PPP1R9A: variants seen among roughly 807,000 people sequenced by gnomAD.
PPP1R9A encodes neurabin-1.
Under a neutral mutation model 141.9 loss-of-function variants are expected in PPP1R9A, and 59 were observed. The ratio of observed to expected loss-of-function variants is 0.42; its 90% CI spans 0.34 to 0.52. The LOEUF (loss-of-function observed/expected upper bound fraction) is 0.52. Among genes scored for constraint, PPP1R9A ranks in the 20% least tolerant of loss-of-function variants. The probability of loss-of-function intolerance (pLI) is 0.10; values close to 1 mark genes in which losing one functional copy is unlikely to be tolerated. For missense variants in PPP1R9A, 1,444 were observed against 1,611.9 expected (o/e 0.90, Z 1.78); for synonymous variants, 500 against 569.7 (o/e 0.88, Z 1.74).
intron 4 of PPP1R9A, among the ~76,000 whole-genome samples, chr7:95,151,400 G>C (rs1166577642): frequency 6.6e-6 from 1 of 152,188 alleles, no homozygotes. Flanking sequence ...CCTATTATCT[G>C]ACTTTCTTGC....
At chr7:94,941,489 A>C (rs1795325730) in intron 2 of PPP1R9A, among the ~76,000 whole-genome samples, 1 of 152,098 alleles carries the variant, frequency 6.6e-6, no homozygotes, top group Admixed American at 6.6e-5. Context: ...GAACCTCTTC[A>C]TTGTACTCTT....
At chr7:95,216,899 A>C (rs139571324) in intron 7 of PPP1R9A, among the ~76,000 whole-genome samples, 2,162 of 152,166 alleles carry the variant, frequency 0.014, 34 homozygotes, top group African/African-American at 0.049. Context: ...AATATACAAT[A>C]ATGTCATCTG....
intron 2 of PPP1R9A, among the ~76,000 whole-genome samples, chr7:95,033,203 A>G (rs1454091768): frequency 1.6e-5 from 2 of 127,926 alleles, no homozygotes; most frequent in East Asian, 2.2e-4. Flanking sequence ...TTTAGTAGAG[A>G]CGGGTTTTCA....
intron 2 of PPP1R9A, among the ~76,000 whole-genome samples, chr7:94,942,759 G>A (rs563695282): frequency 2.0e-5 from 3 of 151,560 alleles, no homozygotes; most frequent in Admixed American, 6.6e-5. Flanking sequence ...AGCCAAGATC[G>A]CACCACTGCA....
At chr7:95,215,010 T>G (rs1792997797) in intron 7 of PPP1R9A, among the ~76,000 whole-genome samples, 2 of 151,970 alleles carry the variant, frequency 1.3e-5, no homozygotes, top group South Asian at 2.1e-4. Flanking sequence ...CTAGGGTACA[T>G]GTGCACAATG....
chr7:95,022,682 G>A (rs979827841), intron 2 of PPP1R9A, among the ~76,000 whole-genome samples: 1 of 152,080 alleles, frequency 6.6e-6, no homozygotes, highest in Non-Finnish European at 1.5e-5. Context: ...AGAGTTTTTA[G>A]CATGAAGGGG....
intron 7 of PPP1R9A, among the ~76,000 whole-genome samples, chr7:95,225,232 C>T (rs1342576510): frequency 6.6e-6 from 1 of 152,110 alleles, no homozygotes; most frequent in Non-Finnish European, 1.5e-5. Context: ...GGGGCAACCA[C>T]TACTAACTGG....
intron 2 of PPP1R9A, among the ~76,000 whole-genome samples, chr7:95,104,895 G>T (rs1480057732): frequency 6.6e-6 from 1 of 152,186 alleles, no homozygotes; most frequent in Admixed American, 6.5e-5. Flanking sequence ...GGTGAGTCAG[G>T]GTTCTGCCAA....
At chr7:95,181,457 A>G (rs1563370346) in intron 5 of PPP1R9A, among the ~76,000 whole-genome samples, 1 of 135,344 alleles carries the variant, frequency 7.4e-6, no homozygotes, top group African/African-American at 2.7e-5. Flanking sequence ...TATATATAGA[A>G]TATATATAGA....
At chr7:95,222,632 G>A (rs959381089) in intron 7 of PPP1R9A, among the ~76,000 whole-genome samples, 4 of 152,106 alleles carry the variant, frequency 2.6e-5, no homozygotes, top group Admixed American at 1.3e-4. Context: ...GTGGATTTGC[G>A]TGTTAGGACA....
At position 95,088,587 on chromosome 7, in the gene PPP1R9A, C is replaced by T. The variant is rs187985934; in HGVS notation, c.1396-22672C>T. On this transcript the variant is annotated intron_variant, in intron 2 of 19. Coordinates refer to ENST00000433360, the MANE Select transcript of PPP1R9A (RefSeq NM_001166160.2). ...GCCTATTGAACAATATTTTTTTTCT[C>T]TGACTAATTCTGAACTACTTGAGAG... 4.0e-5 allele frequency among the ~76,000 whole-genome samples: 6 copies of T among 151,824 alleles called. No homozygotes were observed. In the East Asian group the frequency reaches 9.7e-4, roughly 24 times the overall value.
intron 2 of PPP1R9A, among the ~76,000 whole-genome samples, chr7:94,958,112 G>T (rs1186000277): frequency 6.6e-6 from 1 of 152,012 alleles, no homozygotes; most frequent in African/African-American, 2.4e-5. Context: ...CCTAAAATGT[G>T]GTTGTTGGTC....
chr7:95,077,662 C>G (rs561580661), intron 2 of PPP1R9A, among the ~76,000 whole-genome samples: 21 of 152,176 alleles, frequency 1.4e-4, no homozygotes, highest in African/African-American at 4.8e-4. Context: ...ATATGTACAC[C>G]TCTTGTATAT....
intron 4 of PPP1R9A, among the ~76,000 whole-genome samples, chr7:95,123,777 C>A (rs891287447): frequency 5.3e-5 from 8 of 152,306 alleles, no homozygotes; most frequent in African/African-American, 1.7e-4. Flanking sequence ...ACTTAATTTT[C>A]ATGTTATCTA....
At chr7:95,000,558 T>C (rs571692759) in intron 2 of PPP1R9A, among the ~76,000 whole-genome samples, 1 of 152,292 alleles carries the variant, frequency 6.6e-6, no homozygotes, top group South Asian at 2.1e-4. Context: ...TTTTCCTTTT[T>C]CCAGGTGAAA....
At position 95,061,072 on chromosome 7, in the gene PPP1R9A, C is replaced by T. The variant is rs35246773; in HGVS notation, c.1396-50187C>T. Among the ~76,000 whole-genome samples the T allele has an allele frequency of 3.6e-3, 555 of 152,144 alleles. 2 individuals are homozygous for T. Among genetic ancestry groups the T allele is most frequent in the Non-Finnish European group, 6.8e-3 (461 of 67,996 alleles). Reference sequence around the variant, plus strand: ...AACATTACCTCTGACCCTGTATGTGCGTGTATAAATTGATTACAACAGAAT... The same window carrying T: ...AACATTACCTCTGACCCTGTATGTGTGTGTATAAATTGATTACAACAGAAT... On this transcript the variant is annotated intron_variant, in intron 2 of 19. Transcript: ENST00000433360.
intron 7 of PPP1R9A, among the ~76,000 whole-genome samples, chr7:95,220,603 G>C (rs1487412991): frequency 6.6e-6 from 1 of 152,032 alleles, no homozygotes; most frequent in African/African-American, 2.4e-5. Flanking sequence ...ACAACTATCT[G>C]AATTTATTCA....
rs1380446640 is a variant in PPP1R9A at position 95,280,013 on chromosome 7, A to G, written c.3297-4005A>G. 2.0e-5 allele frequency among the ~76,000 whole-genome samples: 3 copies of G among 152,142 alleles called. No individual in the cohort carries two copies. In the East Asian group the frequency reaches 5.8e-4, roughly 29 times the overall value. ...CTACAGTGACCATCTCAGATGAACT[A>G]TTATTGATTAGATCAGAACTCAGGA... On this transcript the variant is annotated intron_variant, in intron 16 of 19. Transcript: ENST00000433360.
intron 2 of PPP1R9A, among the ~76,000 whole-genome samples, chr7:95,060,755 G>A (rs1812119993): frequency 6.6e-6 from 1 of 152,178 alleles, no homozygotes; most frequent in Non-Finnish European, 1.5e-5. Context: ...GGGGTGGGCA[G>A]TATGACCTGA....
Sources: allele counts gnomAD v4.1 joint callset (sites outside exome capture counted in the v4.1 genomes callset), GRCh38; gene constraint gnomAD v4.1.1; transcripts MANE v1.5; gene names NCBI Gene and HGNC (gene_info 2026-07-23, HGNC 2026-07-21).